Variants in NTRK3 observed in about 807,000 individuals in gnomAD.
NTRK3 encodes the protein NT-3 growth factor receptor.
A neutral mutation model predicts 91.7 loss-of-function variants in NTRK3; 24 were observed. That is an observed-to-expected ratio of 0.26 (90% CI 0.19 to 0.37). NTRK3 has a LOEUF of 0.37. NTRK3 is among the 10% of genes least tolerant of loss of function. NTRK3 has a pLI of 1.00. For missense variants in NTRK3, 880 were observed against 1,068.9 expected (o/e 0.82, Z 2.46); for synonymous variants, 483 against 404.0 (o/e 1.20, Z -2.34).
intron 5 of NTRK3, among the ~76,000 whole-genome samples, chr15:88,178,410 C>T (rs1038741109): frequency 1.4e-4 from 21 of 152,184 alleles, no homozygotes; most frequent in Non-Finnish European, 1.0e-4. Context: ...TTTTCCTATC[C>T]GCACAGCATC....
exon 19 of NTRK3, chr15:87,872,689 A>G (rs566063348): frequency 7.3e-5 from 17 of 232,716 alleles, no homozygotes; most frequent in Non-Finnish European, 1.1e-4. Flanking sequence ...TCCCTGTACA[A>G]TATTCCTCAA....
intron 10 of NTRK3, among the ~76,000 whole-genome samples, chr15:88,129,101 T>C (rs1481006094): frequency 2.6e-5 from 4 of 152,168 alleles, no homozygotes; most frequent in African/African-American, 9.7e-5. Context: ...GGCGACAGGG[T>C]GGGCTCCCCT....
intron 13 of NTRK3, among the ~76,000 whole-genome samples, chr15:88,052,694 A>C (rs538201522): frequency 6.6e-6 from 1 of 152,296 alleles, no homozygotes; most frequent in African/African-American, 2.4e-5. Context: ...ATCAATGAGA[A>C]ATGAGATGGA....
chr15:88,236,891 G>A (rs1484856181), intron 3 of NTRK3, among the ~76,000 whole-genome samples: 2 of 152,152 alleles, frequency 1.3e-5, no homozygotes, highest in African/African-American at 4.8e-5. Context: ...TGGGAAGAAT[G>A]TGGGGAACTT....
exon 19 of NTRK3, chr15:87,866,529 A>G (rs949070196): frequency 1.7e-5 from 3 of 171,904 alleles, no homozygotes; most frequent in Admixed American, 1.3e-4. Context: ...TAATATGTAT[A>G]TATATTAAAA....
At position 87,964,692 on chromosome 15, in the gene NTRK3, C is replaced by A. The variant is rs935954681; in HGVS notation, c.1586-23939G>T. Among the ~76,000 whole-genome samples the A allele has an allele frequency of 7.9e-5, 12 of 152,134 alleles. No homozygotes were observed. In the South Asian group the frequency reaches 1.0e-3, roughly 13 times the overall value. ...AGGCAGCCACTAATATAATTTCTGT[C>A]TCTCCGTATTTGCCTCTTCTTGACA... is the stretch of plus-strand genomic sequence containing the variant. On this transcript the variant is annotated intron_variant, in intron 14 of 18. Transcript: ENST00000394480.
At chr15:88,177,262 T>C (rs1389395272) in intron 5 of NTRK3, among the ~76,000 whole-genome samples, 1 of 152,168 alleles carries the variant, frequency 6.6e-6, no homozygotes, top group Non-Finnish European at 1.5e-5. Context: ...AGCAGCTAAG[T>C]GGCATGATCG....
intron 5 of NTRK3, among the ~76,000 whole-genome samples, chr15:88,181,552 CCT>C (rs1388489257): frequency 5.9e-5 from 9 of 152,180 alleles, no homozygotes; most frequent in Admixed American, 2.0e-4. Context: ...GCACCCAGCC[CCT>C]GTCCTCAAAG....
chr15:88,005,921 A>T (rs2076455178), intron 14 of NTRK3, among the ~76,000 whole-genome samples: 1 of 152,190 alleles, frequency 6.6e-6, no homozygotes, highest in Non-Finnish European at 1.5e-5. Flanking sequence ...AGAGCATAAG[A>T]GGTTTCTGTA....
At chr15:88,088,222 G>C (rs1035259631) in intron 13 of NTRK3, among the ~76,000 whole-genome samples, 8 of 152,182 alleles carry the variant, frequency 5.3e-5, no homozygotes, top group African/African-American at 1.9e-4. Context: ...TCTACCCCAA[G>C]GAGTTGTTGA....
chr15:88,171,189 AT>A (rs1567575256), intron 5 of NTRK3, among the ~76,000 whole-genome samples: 1 of 152,204 alleles, frequency 6.6e-6, no homozygotes, highest in Non-Finnish European at 1.5e-5. Context: ...CCAGCAAGCC[AT>A]GCTCTAAATC....
At chr15:88,211,846 T>C (rs2049274427) in intron 3 of NTRK3, among the ~76,000 whole-genome samples, 1 of 152,270 alleles carries the variant, frequency 6.6e-6, no homozygotes. Flanking sequence ...AGAGGACATG[T>C]TCTTATATTT....
chr15:88,090,798 T>A (rs190226626), intron 13 of NTRK3, among the ~76,000 whole-genome samples: 216 of 152,098 alleles, frequency 1.4e-3, no homozygotes, highest in African/African-American at 5.0e-3. Context: ...CCCTGGCTGC[T>A]CCTTCCTATT....
intron 13 of NTRK3, among the ~76,000 whole-genome samples, chr15:88,079,756 G>A (rs1439617161): frequency 6.6e-6 from 1 of 152,116 alleles, no homozygotes; most frequent in Admixed American, 6.5e-5. Context: ...TAAAAAATGG[G>A]AAACAATTTA....
At chr15:88,178,699 G>C (rs1046545699) in intron 5 of NTRK3, among the ~76,000 whole-genome samples, 1 of 152,214 alleles carries the variant, frequency 6.6e-6, no homozygotes, top group African/African-American at 2.4e-5. Flanking sequence ...TTGGAAATAA[G>C]TAGGCCATAG....
chr15:88,107,179 A>G lies in NTRK3; in HGVS notation c.1396+19092T>C, dbSNP rs1226811825. ...AGTCCACAGGCCAGGTGCAGTGCTC[A>G]CATGTGTAATCCCAGCTCTTTGGGA... On this transcript the variant is annotated intron_variant, in intron 13 of 18. Transcript: ENST00000394480. Among the ~76,000 whole-genome samples, 5 of 152,064 alleles carry G rather than the reference A, an allele frequency of 3.3e-5. No individual in the cohort carries two copies. In the East Asian group the frequency reaches 9.7e-4, roughly 29 times the overall value.
exon 19 of NTRK3, chr15:87,874,936 C>T (rs2064910479): frequency 4.3e-6 from 1 of 232,932 alleles, no homozygotes; most frequent in Non-Finnish European, 8.5e-6. Flanking sequence ...AAATTCCCAT[C>T]TCACCTGCCT....
chr15:87,869,169 A>T (rs2064762483), exon 19 of NTRK3: 1 of 229,128 alleles, frequency 4.4e-6, no homozygotes, highest in Non-Finnish European at 8.7e-6. Context: ...CTGGCTCAGC[A>T]TCATGGTCAG....
chr15:88,026,743 G>A (rs2078075125), intron 14 of NTRK3, among the ~76,000 whole-genome samples: 1 of 152,192 alleles, frequency 6.6e-6, no homozygotes, highest in African/African-American at 2.4e-5. Flanking sequence ...GGGACTTAAA[G>A]GAAATATGTG....
Sources: gnomAD v4.1 joint callset for allele counts (sites outside exome capture counted in the v4.1 genomes callset) on GRCh38, gnomAD v4.1.1 for gene constraint, MANE v1.5 for transcripts, NCBI Gene and HGNC (gene_info 2026-07-23, HGNC 2026-07-21) for gene names.